CACNA1A: variants seen among roughly 807,000 people sequenced by gnomAD.
The protein encoded by CACNA1A is calcium voltage-gated channel subunit alpha1 A.
CACNA1A carries 57 observed loss-of-function variants against 262.4 expected under a neutral mutation model. The ratio of observed to expected loss-of-function variants is 0.22; its 90% CI spans 0.18 to 0.27. The LOEUF (loss-of-function observed/expected upper bound fraction) is 0.27. Ranked by LOEUF, CACNA1A falls within the 10% of genes least tolerant of loss-of-function variation. CACNA1A has a pLI of 1.00. For synonymous variants in CACNA1A, 1,431 were observed against 1,419.3 expected, an observed-to-expected ratio of 1.01 and a Z score of -0.18; for missense variants, 2,526 against 3,562.8, an observed-to-expected ratio of 0.71 and a Z score of 7.41.
chr19:13,431,784 G>A lies in CACNA1A; in HGVS notation c.539+21092C>T, dbSNP rs1379225539. Among the ~76,000 whole-genome samples the A allele has an allele frequency of 2.0e-5, 3 of 152,118 alleles. 1 individual carries two copies. The highest frequency in any genetic ancestry group is 1.3e-4 in the Admixed American group (2 of 15,246). ...GATGAAACAAGCCAGACACAGAAAC[G>A]CAAATAGTACACAATCTCGCTTATA... On this transcript the variant is annotated intron_variant, in intron 3 of 46. Transcript: ENST00000360228.
At chr19:13,356,982 C>A (rs1280463440) in intron 6 of CACNA1A, among the ~76,000 whole-genome samples, 1 of 152,234 alleles carries the variant, frequency 6.6e-6, no homozygotes, top group Non-Finnish European at 1.5e-5. Flanking sequence ...CCCTTCCCCA[C>A]ATCCTTTTTT....
chr19:13,468,073 T>C (rs1225803572), intron 1 of CACNA1A, among the ~76,000 whole-genome samples: 1 of 151,980 alleles, frequency 6.6e-6, no homozygotes, highest in African/African-American at 2.4e-5. Flanking sequence ...AGAATTAACA[T>C]GACTCATGGA....
At chr19:13,358,140 G>C (rs1043549493) in intron 6 of CACNA1A, among the ~76,000 whole-genome samples, 1 of 152,248 alleles carries the variant, frequency 6.6e-6, no homozygotes, top group Non-Finnish European at 1.5e-5. Context: ...GAAGAGGTAC[G>C]TGCAACATGC....
chr19:13,294,708 T>C (rs72993600), intron 19 of CACNA1A, among the ~76,000 whole-genome samples: 20,502 of 151,928 alleles, frequency 0.13, 1,425 homozygotes, highest in Middle Eastern at 0.17. Flanking sequence ...AAGCTGGTTC[T>C]GAACCCCTGA....
At chr19:13,348,498 C>G (rs542495911) in intron 6 of CACNA1A, among the ~76,000 whole-genome samples, 1 of 151,920 alleles carries the variant, frequency 6.6e-6, no homozygotes, top group Non-Finnish European at 1.5e-5. Flanking sequence ...AGGTCAGGAG[C>G]TCGAGACCAG....
At chr19:13,358,371 G>T (rs762072392) in intron 6 of CACNA1A, among the ~76,000 whole-genome samples, 1 of 152,230 alleles carries the variant, frequency 6.6e-6, no homozygotes, top group Non-Finnish European at 1.5e-5. Flanking sequence ...TTCCAGACCT[G>T]CCTGGGCAAC....
At chr19:13,384,747 T>C (rs2059580803) in intron 3 of CACNA1A, among the ~76,000 whole-genome samples, 1 of 151,936 alleles carries the variant, frequency 6.6e-6, no homozygotes, top group Non-Finnish European at 1.5e-5. Flanking sequence ...CACACAGAAA[T>C]AAAGTATTTT....
At chr19:13,266,277 G>T (rs1014832287) in intron 24 of CACNA1A, among the ~76,000 whole-genome samples, 4 of 151,912 alleles carry the variant, frequency 2.6e-5, no homozygotes, top group Non-Finnish European at 5.9e-5. Context: ...CACGATCATA[G>T]CTCACCGCAG....
intron 6 of CACNA1A, among the ~76,000 whole-genome samples, chr19:13,346,646 ATATATATATATATATATATATTTTTTT>A (rs1568557421): frequency 3.6e-3 from 21 of 5,786 alleles, no homozygotes; most frequent in South Asian, 0.019. Flanking sequence ...ATATATATAT[ATATATATATATATATATATATTTTTTT>A]TTTTTTTTTT....
At chr19:13,291,122 G>A (rs1161565287) in intron 19 of CACNA1A, among the ~76,000 whole-genome samples, 1 of 152,066 alleles carries the variant, frequency 6.6e-6, no homozygotes. Context: ...CCTTCTCCCT[G>A]GGGATCTGGC....
At chr19:13,255,767 CCCTCCCTCCTTTCCTTCCTT>C (rs2056544471) in intron 28 of CACNA1A, among the ~76,000 whole-genome samples, 1 of 114,012 alleles carries the variant, frequency 8.8e-6, no homozygotes, top group African/African-American at 3.4e-5. Flanking sequence ...CTCCCTCCTT[CCCTCCCTCCTTTCCTTCCTT>C]CCTCCCTCCC....
chr19:13,227,044 G>A (rs2055479699), intron 37 of CACNA1A: 1 of 154,336 alleles, frequency 6.5e-6, no homozygotes, highest in South Asian at 2.0e-4. Context: ...CTGGGCATGG[G>A]GGCCGCTCTG....
chr19:13,281,321 T>C (rs1330451105), intron 22 of CACNA1A, among the ~76,000 whole-genome samples: 2 of 143,980 alleles, frequency 1.4e-5, no homozygotes, highest in African/African-American at 5.2e-5. Flanking sequence ...GAGGCTGCAG[T>C]GAGCCATGAT....
chr19:13,427,975 C>T (rs2060436412), intron 3 of CACNA1A, among the ~76,000 whole-genome samples: 1 of 151,408 alleles, frequency 6.6e-6, no homozygotes, highest in African/African-American at 2.4e-5. Flanking sequence ...CAGAGTTTCA[C>T]TCTTGGAGTG....
chr19:13,485,317 G>A (rs1979843798), intron 1 of CACNA1A, among the ~76,000 whole-genome samples: 1 of 151,900 alleles, frequency 6.6e-6, no homozygotes, highest in Non-Finnish European at 1.5e-5. Flanking sequence ...ATGGCCTCAG[G>A]GTAGAAATGA....
Position 13,298,765 on chromosome 19 carries a change from T to C in CACNA1A, c.2868A>G (p.Arg956=). The C allele has an allele frequency of 6.6e-7, 1 of 1,520,102 alleles. No homozygotes were observed. The allele number at this position is 1,520,102 out of a possible 1,614,324, so 94.2% of individuals were successfully genotyped here. A position where few individuals can be genotyped will look rare whatever the true frequency, so the allele number is the denominator to read the frequency against. The change falls in exon 19 of 47, where the codon CGA becomes CGG. Residue 956 remains arginine (R), a synonymous_variant. Transcript: ENST00000360228. ...SPRTGADGEH[R]RHRAHRRPGE... The stretch of plus-strand genomic sequence containing the variant: ...CGGGCCTGCGGTGCGCGCGATGACG[T>C]CGATGCTCCCCGTCCGCGCCCGTGC...
At chr19:13,388,242 CTTCTTTTT>C (rs2059649900) in intron 3 of CACNA1A, among the ~76,000 whole-genome samples, 1 of 128,382 alleles carries the variant, frequency 7.8e-6, no homozygotes, top group African/African-American at 3.0e-5. Context: ...ATTTCTTCCT[CTTCTTTTT>C]TTTTTTTTTT....
chr19:13,212,030 C>CAGGAGGGG lies in CACNA1A; in HGVS notation c.6303+72_6303+73insCCCCTCCT. Reference sequence around the variant, plus strand: ...GGCAGGGAGGGGATGCACTGGGCTGCTTGTGGGGGGGCCTGGCCCTACCCA... The same window carrying CAGGAGGGG: ...GGCAGGGAGGGGATGCACTGGGCTGCAGGAGGGGTTGTGGGGGGGCCTGGCCCTACCCA... On this transcript the variant is annotated intron_variant, in intron 43 of 46. Coordinates refer to ENST00000360228, the MANE Select transcript of CACNA1A (RefSeq NM_001127222.2). The surrounding 1 kb of genome is among the most constrained non-coding windows in gnomAD (Gnocchi z 5.6). The CAGGAGGGG allele has an allele frequency of 9.0e-7, 1 of 1,107,798 alleles. No individual in the cohort carries two copies. Among genetic ancestry groups the CAGGAGGGG allele is most frequent in the Non-Finnish European group, 1.3e-6 (1 of 745,924 alleles). The allele number at this position is 1,107,798 out of a possible 1,614,324, so 68.6% of individuals were successfully genotyped here.
chr19:13,267,805 G>A (rs1051638100), intron 24 of CACNA1A, among the ~76,000 whole-genome samples: 1 of 151,554 alleles, frequency 6.6e-6, no homozygotes, highest in Non-Finnish European at 1.5e-5. Flanking sequence ...TTTTGAGGCA[G>A]GGTCTCCCTC....
Sources: gnomAD v4.1 joint callset for allele counts (sites outside exome capture counted in the v4.1 genomes callset) on GRCh38, gnomAD v4.1.1 for gene constraint, Gnocchi (gnomAD v3.1) non-coding constraint, MANE v1.5 for transcripts, NCBI Gene and HGNC (gene_info 2026-07-23, HGNC 2026-07-21) for gene names.